The following SPAG16 variants were observed in gnomAD, a reference collection of about 807,000 sequenced individuals.
The protein encoded by SPAG16 is sperm-associated antigen 16 protein.
A neutral mutation model predicts 80.4 loss-of-function variants in SPAG16; 86 were observed. The ratio of observed to expected loss-of-function variants is 1.07; its 90% CI spans 0.90 to 1.28. The LOEUF (loss-of-function observed/expected upper bound fraction) is 1.28, where lower values mean the gene tolerates loss of function less well. SPAG16 is among the 50% of genes most tolerant of loss of function. SPAG16 has a pLI of 0.00. For missense variants in SPAG16, 870 were observed against 765.3 expected, an observed-to-expected ratio of 1.14 and a Z score of -1.61; for synonymous variants, 294 against 265.9, an observed-to-expected ratio of 1.11 and a Z score of -1.03.
At chr2:213,571,953 C>T in intron 10 of SPAG16, among the ~76,000 whole-genome samples, 1 of 132,476 alleles carries the variant, frequency 7.5e-6, no homozygotes, top group South Asian at 2.4e-4. Flanking sequence ...ATTCTTTTTT[C>T]TCTAAACTTC....
At chr2:213,686,756 G>A (rs1397731404) in intron 10 of SPAG16, among the ~76,000 whole-genome samples, 1 of 137,978 alleles carries the variant, frequency 7.2e-6, no homozygotes, top group African/African-American at 2.7e-5. Context: ...GTGCCGTCTC[G>A]GCTCACTGCA....
At chr2:213,650,478 T>A (rs2062980098) in intron 10 of SPAG16, among the ~76,000 whole-genome samples, 2 of 152,194 alleles carry the variant, frequency 1.3e-5, no homozygotes, top group South Asian at 4.1e-4. Context: ...TATAACTTAC[T>A]TAGTGAGATA....
In SPAG16 at chr2:214,198,544, T is replaced by C. The variant is rs374152003; in HGVS notation, c.1720+49278T>C. 1.1e-4 allele frequency among the ~76,000 whole-genome samples: 17 copies of C among 152,288 alleles called. No homozygotes were observed. In the East Asian group the frequency reaches 2.5e-3, roughly 22 times the overall value. ...TGGTTCCATATCTGAAATTGTGAAC[T>C]GTGCTGCTATAAACATGTGTGTCCA... is the stretch of plus-strand genomic sequence containing the variant. On this transcript the variant is annotated intron_variant, in intron 15 of 15. Transcript: ENST00000331683.
At chr2:213,774,759 T>C (rs1429173618) in intron 10 of SPAG16, among the ~76,000 whole-genome samples, 4 of 152,202 alleles carry the variant, frequency 2.6e-5, no homozygotes, top group Non-Finnish European at 5.9e-5. Context: ...TGGCTCAATT[T>C]CTTCGAGGCC....
intron 10 of SPAG16, among the ~76,000 whole-genome samples, chr2:213,687,475 C>T (rs778753309): frequency 6.6e-6 from 1 of 152,028 alleles, no homozygotes; most frequent in Non-Finnish European, 1.5e-5. Context: ...GGTTCATTTT[C>T]TTTGTCTGAA....
At chr2:214,134,493 G>A (rs1195112746) in intron 14 of SPAG16, among the ~76,000 whole-genome samples, 4 of 152,124 alleles carry the variant, frequency 2.6e-5, no homozygotes, top group Admixed American at 6.6e-5. Context: ...TTTATTGTAT[G>A]TTTCTTTACA....
At chr2:213,911,209 G>A (rs1461050306) in intron 11 of SPAG16, among the ~76,000 whole-genome samples, 2 of 152,156 alleles carry the variant, frequency 1.3e-5, no homozygotes, top group African/African-American at 2.4e-5. Flanking sequence ...GCAGTGGCAC[G>A]ATCACAGCTC....
intron 10 of SPAG16, among the ~76,000 whole-genome samples, chr2:213,694,083 C>T (rs566436455): frequency 5.3e-5 from 8 of 150,660 alleles, no homozygotes; most frequent in South Asian, 2.1e-4. Context: ...AAAGAAGAAG[C>T]GAAGAAAAGA....
At chr2:214,016,976 G>T (rs903071706) in intron 13 of SPAG16, among the ~76,000 whole-genome samples, 2 of 152,134 alleles carry the variant, frequency 1.3e-5, no homozygotes, top group Admixed American at 6.6e-5. Context: ...AGGGATGCAA[G>T]TTCAGTATGT....
chr2:213,357,192 A>G (rs940702403), intron 7 of SPAG16, among the ~76,000 whole-genome samples: 107 of 152,192 alleles, frequency 7.0e-4, no homozygotes, highest in African/African-American at 2.4e-3. Flanking sequence ...GGTCAATTTT[A>G]GAATAAGCGC....
chr2:213,862,763 A>G (rs868661706), intron 11 of SPAG16, 135 bp downstream of exon 11: 4 of 945,746 alleles, frequency 4.2e-6, no homozygotes, highest in Non-Finnish European at 3.1e-6. Context: ...TTCAAAGTGT[A>G]TAGACAAATT....
chr2:214,397,993 G>A (rs1574508226), intron 15 of SPAG16, among the ~76,000 whole-genome samples: 2 of 152,008 alleles, frequency 1.3e-5, no homozygotes, highest in African/African-American at 4.8e-5. Flanking sequence ...ACACCCTTCC[G>A]CCTGCCAGCC....
chr2:213,369,754 T>C (rs1412567757), intron 8 of SPAG16, among the ~76,000 whole-genome samples: 1 of 152,158 alleles, frequency 6.6e-6, no homozygotes, highest in Non-Finnish European at 1.5e-5. Context: ...TTTAGGTTTA[T>C]AGCAAAATTG....
At chr2:213,639,660 A>AT (rs2062511539) in intron 10 of SPAG16, among the ~76,000 whole-genome samples, 1 of 152,184 alleles carries the variant, frequency 6.6e-6, no homozygotes, top group Non-Finnish European at 1.5e-5. Context: ...ATTTTACCTC[A>AT]TAGCTCTTTA....
At chr2:213,940,485 C>A (rs1188791569) in intron 12 of SPAG16, among the ~76,000 whole-genome samples, 1 of 151,924 alleles carries the variant, frequency 6.6e-6, no homozygotes, top group Non-Finnish European at 1.5e-5. Context: ...TTAGGAATAG[C>A]GTTCTCCTTA....
chr2:213,583,825 T>G (rs1303457075), intron 10 of SPAG16, among the ~76,000 whole-genome samples: 1 of 152,220 alleles, frequency 6.6e-6, no homozygotes, highest in Middle Eastern at 3.2e-3. Flanking sequence ...AAATCTGGAT[T>G]TCTATGATTT....
At chr2:213,787,534 T>C (rs2070418292) in intron 10 of SPAG16, among the ~76,000 whole-genome samples, 2 of 152,124 alleles carry the variant, frequency 1.3e-5, no homozygotes, top group Admixed American at 1.3e-4. Context: ...AGGAAGGCTG[T>C]AGATTTTGGA....
At chr2:214,146,146 G>A (rs918979039) in intron 14 of SPAG16, among the ~76,000 whole-genome samples, 6 of 152,074 alleles carry the variant, frequency 3.9e-5, no homozygotes, top group Non-Finnish European at 7.4e-5. Flanking sequence ...TACGTTAAAT[G>A]CCTTAAACTA....
At chr2:214,012,277 TA>T (rs1559689665) in intron 12 of SPAG16, among the ~76,000 whole-genome samples, 3,486 of 56,040 alleles carry the variant, frequency 0.062, 132 homozygotes, top group African/African-American at 0.098. Context: ...TATATATATA[TA>T]TATATATATA....
Sources: allele counts gnomAD v4.1 joint callset (sites outside exome capture counted in the v4.1 genomes callset), GRCh38; gene constraint gnomAD v4.1.1; transcripts MANE v1.5; gene names NCBI Gene and HGNC (gene_info 2026-07-23, HGNC 2026-07-21).